The following DRC10 variants were observed in gnomAD, a reference collection of about 807,000 sequenced individuals.
The protein encoded by DRC10 is IQ domain-containing protein D.
chr12:113,197,663 C>T, the DRC10 span: 1 of 1,129,070 alleles, frequency 8.9e-7, no homozygotes, highest in East Asian at 2.6e-5. Context: ...TAACAATCAA[C>T]AGCACTGAGC....
the DRC10 span, chr12:113,207,918 C>A: frequency 6.2e-7 from 1 of 1,614,212 alleles, no homozygotes; most frequent in Non-Finnish European, 8.5e-7. Context: ...CGTCCTCCCC[C>A]AGCATCCCCT....
chr12:113,207,548 C>T, the DRC10 span: 10 of 1,614,066 alleles, frequency 6.2e-6, no homozygotes, highest in Non-Finnish European at 7.6e-6. Context: ...TGGGCCTTAT[C>T]CCTCGCTTCC....
chr12:113,198,896 G>A, the DRC10 span, among the ~76,000 whole-genome samples: 2 of 152,222 alleles, frequency 1.3e-5, no homozygotes, highest in Non-Finnish European at 2.9e-5. Flanking sequence ...TTCTAGATCA[G>A]CCTGGGCAAC....
At chr12:113,208,425 G>GGGCC in the DRC10 span, 5 of 1,176,026 alleles carry the variant, frequency 4.3e-6, no homozygotes, top group Non-Finnish European at 5.4e-6. Flanking sequence ...GAGGGTGTTA[G>GGGCC]GGCCACAAGG....
At chr12:113,219,758 C>T in the DRC10 span, among the ~76,000 whole-genome samples, 9 of 152,072 alleles carry the variant, frequency 5.9e-5, no homozygotes, top group Non-Finnish European at 2.9e-5. Context: ...CCGCAACCTC[C>T]GCCTCTTGCG....
the DRC10 span, among the ~76,000 whole-genome samples, chr12:113,218,136 C>T: frequency 6.7e-6 from 1 of 149,872 alleles, no homozygotes; most frequent in Admixed American, 6.7e-5. Context: ...AAAACCCTGA[C>T]CTTTTTTTTT....
chr12:113,195,484 A>T, the DRC10 span: 2 of 1,457,030 alleles, frequency 1.4e-6, no homozygotes, highest in Non-Finnish European at 1.8e-6. Context: ...AAATAAAAAC[A>T]TGAAAGCCGT....
At chr12:113,202,549 C>T in the DRC10 span, among the ~76,000 whole-genome samples, 8 of 152,270 alleles carry the variant, frequency 5.3e-5, no homozygotes, top group African/African-American at 1.9e-4. Context: ...GACGGGTGGT[C>T]GGTCCTTCCT....
chr12:113,205,610 C>A, the DRC10 span, among the ~76,000 whole-genome samples: 14 of 152,172 alleles, frequency 9.2e-5, no homozygotes, highest in African/African-American at 3.4e-4. Flanking sequence ...AGAAATCAGG[C>A]CGGGCGCGGT....
At chr12:113,200,528 A>AAAC in the DRC10 span, 2 of 546,562 alleles carry the variant, frequency 3.7e-6, no homozygotes, top group Admixed American at 2.3e-5. Context: ...AGTCCCACCC[A>AAAC]TCCCCCCCAC....
chr12:113,211,792 A>G, the DRC10 span, among the ~76,000 whole-genome samples: 2 of 152,128 alleles, frequency 1.3e-5, no homozygotes, highest in Non-Finnish European at 2.9e-5. Context: ...GAGGCTGGGC[A>G]TGGTGGCTCA....
the DRC10 span, among the ~76,000 whole-genome samples, chr12:113,212,069 C>G: frequency 1.5e-5 from 2 of 130,926 alleles, no homozygotes; most frequent in Non-Finnish European, 1.6e-5. Context: ...TATCTCTCCT[C>G]TTTTTTTTTT....
At chr12:113,200,261 A>C in the DRC10 span, 1 of 490,902 alleles carries the variant, frequency 2.0e-6, no homozygotes, top group Non-Finnish European at 3.9e-6. Flanking sequence ...CGATGTGGGT[A>C]TTATCCCTGT....
the DRC10 span, among the ~76,000 whole-genome samples, chr12:113,211,729 C>T: frequency 6.6e-6 from 1 of 152,066 alleles, no homozygotes; most frequent in African/African-American, 2.4e-5. Flanking sequence ...CTTCCTGCTC[C>T]CTAATGAATC....
At chr12:113,215,193 C>A in the DRC10 span, among the ~76,000 whole-genome samples, 1 of 152,220 alleles carries the variant, frequency 6.6e-6, no homozygotes, top group Non-Finnish European at 1.5e-5. Flanking sequence ...TTCCTCATTA[C>A]TGAAGTGGAA....
At chr12:113,202,451 G>T in the DRC10 span, among the ~76,000 whole-genome samples, 10 of 152,300 alleles carry the variant, frequency 6.6e-5, no homozygotes, top group South Asian at 2.1e-3. Context: ...AAACAGAAGG[G>T]CCTGTGGCAG....
At chr12:113,196,356 A>C in the DRC10 span, among the ~76,000 whole-genome samples, 1 of 152,106 alleles carries the variant, frequency 6.6e-6, no homozygotes, top group African/African-American at 2.4e-5. Flanking sequence ...TCCACAAGAC[A>C]CCAGAGGAGA....
the DRC10 span, chr12:113,196,037 A>G: frequency 1.0e-3 from 1,279 of 1,239,418 alleles, 14 homozygotes; most frequent in African/African-American, 0.018. Context: ...TCCCAGTGAC[A>G]TGGATGGGGA....
the DRC10 span, among the ~76,000 whole-genome samples, chr12:113,201,271 C>T: frequency 6.6e-6 from 1 of 152,218 alleles, no homozygotes; most frequent in African/African-American, 2.4e-5. Flanking sequence ...CAATGGAGGT[C>T]AGGGACAGCC....
Sources: gnomAD v4.1 joint callset for allele counts (sites outside exome capture counted in the v4.1 genomes callset) on GRCh38, gnomAD v4.1.1 for gene constraint, MANE v1.5 for transcripts, NCBI Gene and HGNC (gene_info 2026-07-23, HGNC 2026-07-21) for gene names.